Variants in PLEKHA6 observed in about 807,000 individuals in gnomAD.
PLEKHA6 encodes the protein pleckstrin homology domain-containing family A member 6.
PLEKHA6 carries 60 observed loss-of-function variants against 116.7 expected under a neutral mutation model. The observed-to-expected ratio is 0.51, with a 90% CI of 0.42 to 0.64. The LOEUF (loss-of-function observed/expected upper bound fraction) is 0.64. Ranked by LOEUF, PLEKHA6 falls within the 30% of genes least tolerant of loss-of-function variation. The pLI is 0.00. For synonymous variants in PLEKHA6, 489 were observed against 556.1 expected, an observed-to-expected ratio of 0.88 and a Z score of 1.70; for missense variants, 1,338 against 1,422.7, an observed-to-expected ratio of 0.94 and a Z score of 0.96.
intron 1 of PLEKHA6, among the ~76,000 whole-genome samples, chr1:204,314,523 G>A (rs1671780560): frequency 6.6e-6 from 1 of 152,212 alleles, no homozygotes; most frequent in African/African-American, 2.4e-5. Context: ...CCCCTGGCCT[G>A]GGGATGGTCT....
At chr1:204,349,575 C>T (rs1276649248) in intron 1 of PLEKHA6, among the ~76,000 whole-genome samples, 2 of 151,124 alleles carry the variant, frequency 1.3e-5, no homozygotes, top group African/African-American at 4.9e-5. Context: ...CTTGAGTTCT[C>T]CTCACAGCAG....
chr1:204,350,421 T>C (rs1673236819), intron 1 of PLEKHA6, among the ~76,000 whole-genome samples: 1 of 152,224 alleles, frequency 6.6e-6, no homozygotes, highest in Non-Finnish European at 1.5e-5. Context: ...GGTAAACTCC[T>C]TGAGGTAAGA....
At chr1:204,236,547 A>G (rs1662077944) in intron 17 of PLEKHA6, among the ~76,000 whole-genome samples, 2 of 152,274 alleles carry the variant, frequency 1.3e-5, no homozygotes, top group South Asian at 4.2e-4. Flanking sequence ...ACTCAACTAA[A>G]AAATTTAAAT....
In PLEKHA6 at chr1:204,327,220, C is replaced by T. The variant is rs1459586009; in HGVS notation, c.-95+32474G>A. Among the ~76,000 whole-genome samples, 11 of 152,360 alleles carry T rather than the reference C, an allele frequency of 7.2e-5. No individual in the cohort carries two copies. The South Asian group carries it at 2.3e-3, about 32-fold the overall frequency. ...ATTTTGTTCACTTTGCACCATTCTTCCTCGTTTAATGCCCAAGAAAGCAGT... is the reference window on the plus strand; with the variant it reads ...ATTTTGTTCACTTTGCACCATTCTTTCTCGTTTAATGCCCAAGAAAGCAGT... On this transcript the variant is annotated intron_variant, in intron 1 of 22. Coordinates refer to ENST00000272203, the MANE Select transcript of PLEKHA6 (RefSeq NM_014935.5).
chr1:204,275,588 C>G (rs577932164), intron 1 of PLEKHA6: 2 of 460,304 alleles, frequency 4.3e-6, no homozygotes, highest in African/African-American at 4.2e-5. Context: ...CATCGTGGAG[C>G]CTCCTTGGGA....
intron 1 of PLEKHA6, among the ~76,000 whole-genome samples, chr1:204,354,511 C>T (rs1157336926): frequency 6.6e-6 from 1 of 152,246 alleles, no homozygotes; most frequent in African/African-American, 2.4e-5. Context: ...CAGTAACTGA[C>T]ATTTGTGTGA....
At chr1:204,262,977 GGGGT>G (rs1395739739) in intron 6 of PLEKHA6, among the ~76,000 whole-genome samples, 1 of 152,178 alleles carries the variant, frequency 6.6e-6, no homozygotes, top group Non-Finnish European at 1.5e-5. Context: ...GGTGTGTCCT[GGGGT>G]GGGTGGGAGC....
chr1:204,264,884 G>C, intron 6 of PLEKHA6, 58 bp downstream of exon 6: 1 of 1,190,260 alleles, frequency 8.4e-7, no homozygotes, highest in Non-Finnish European at 1.3e-6. Context: ...ATTCCCATAG[G>C]CTCTAGAAGA....
At chr1:204,226,132 G>A (rs367561521) in intron 21 of PLEKHA6, among the ~76,000 whole-genome samples, 44 of 152,334 alleles carry the variant, frequency 2.9e-4, no homozygotes, top group African/African-American at 1.1e-3. Flanking sequence ...CACAGTGCAT[G>A]CCCAGGACCA....
chr1:204,374,629 T>C (rs1035048061), intron 1 of PLEKHA6, among the ~76,000 whole-genome samples: 3 of 152,158 alleles, frequency 2.0e-5, no homozygotes, highest in Non-Finnish European at 4.4e-5. Flanking sequence ...TAGAACCTCC[T>C]TCTGTTGAGC....
At chr1:204,245,557 T>C in intron 14 of PLEKHA6, 58 bp downstream of exon 14, 1 of 1,014,930 alleles carries the variant, frequency 9.9e-7, no homozygotes, top group Non-Finnish European at 1.5e-6. Flanking sequence ...AGGTCAGAAA[T>C]ACTGGAGCAC....
At chr1:204,247,236 C>T (rs1263971297) in intron 13 of PLEKHA6, 129 bp downstream of exon 13, 10 of 599,452 alleles carry the variant, frequency 1.7e-5, no homozygotes, top group Admixed American at 2.6e-5. Context: ...GAACCTAAAG[C>T]GTCCCATTAT....
At chr1:204,282,812 A>T (rs998385555) in intron 1 of PLEKHA6, 19 of 985,236 alleles carry the variant, frequency 1.9e-5, no homozygotes, top group Non-Finnish European at 2.3e-5. Context: ...CCTTCTAAAG[A>T]GAGGGGGAAT....
At chr1:204,335,325 C>T (rs980581747) in intron 1 of PLEKHA6, among the ~76,000 whole-genome samples, 2 of 152,028 alleles carry the variant, frequency 1.3e-5, no homozygotes, top group African/African-American at 2.4e-5. Context: ...GGCCTCAGCC[C>T]AGCACTGCAG....
At chr1:204,374,574 A>T (rs2103421002) in intron 1 of PLEKHA6, among the ~76,000 whole-genome samples, 1 of 152,166 alleles carries the variant, frequency 6.6e-6, no homozygotes, top group Non-Finnish European at 1.5e-5. Context: ...CTTTAAGGCT[A>T]ATCTCTCTGC....
At position 204,291,247 on chromosome 1, in the gene PLEKHA6, T is replaced by C. The variant is rs537786326; in HGVS notation, c.-94-16438A>G. ...CTATCTCTACCCACACCCACTAGAA[T>C]AGCTAAAATTAAAAGACTAACCATA... On this transcript the variant is annotated intron_variant, in intron 1 of 22. Coordinates refer to ENST00000272203, the MANE Select transcript of PLEKHA6 (RefSeq NM_014935.5). Among the ~76,000 whole-genome samples, 10 of 152,236 alleles carry C rather than the reference T, an allele frequency of 6.6e-5. No homozygotes were observed. The South Asian group carries it at 2.1e-3, about 32-fold the overall frequency.
chr1:204,292,352 C>A lies in PLEKHA6; in HGVS notation c.-94-17543G>T, dbSNP rs549071816. On this transcript the variant is annotated intron_variant, in intron 1 of 22. Coordinates refer to ENST00000272203, the MANE Select transcript of PLEKHA6 (RefSeq NM_014935.5). The stretch of plus-strand genomic sequence containing the variant: ...AAGCTGGAAGTGTTGGCTGAGATAA[C>A]CCACCTCATATACCTGAGGCAAGGC... Among the ~76,000 whole-genome samples the A allele has an allele frequency of 1.7e-3, 259 of 152,240 alleles. 5 individuals are homozygous for A. Among genetic ancestry groups the A allele is most frequent in the Admixed American group, 3.0e-3 (46 of 15,306 alleles).
chr1:204,335,080 T>A (rs935065382), intron 1 of PLEKHA6, among the ~76,000 whole-genome samples: 1 of 151,982 alleles, frequency 6.6e-6, no homozygotes, highest in Admixed American at 6.6e-5. Flanking sequence ...CCACACCCCA[T>A]CTCCTAGTTT....
At chr1:204,307,220 T>C (rs1255258969) in intron 1 of PLEKHA6, 1 of 152,168 alleles carries the variant, frequency 6.6e-6, no homozygotes, top group East Asian at 1.9e-4. Flanking sequence ...ATATCTGCCT[T>C]ACTGTGAAAT....
Sources: gnomAD v4.1 joint callset for allele counts (sites outside exome capture counted in the v4.1 genomes callset) on GRCh38, gnomAD v4.1.1 for gene constraint, MANE v1.5 for transcripts, NCBI Gene and HGNC (gene_info 2026-07-23, HGNC 2026-07-21) for gene names.